Variants in RBM6 observed in about 807,000 individuals in gnomAD.
RBM6 encodes the protein RNA-binding protein 6.
A neutral mutation model predicts 140.4 loss-of-function variants in RBM6; 23 were observed. The observed-to-expected ratio is 0.16, with a 90% confidence interval of 0.12 to 0.23. RBM6 has a LOEUF of 0.23. RBM6 is among the 10% of genes least tolerant of loss of function. The probability of loss-of-function intolerance (pLI) is 1.00; values close to 1 mark genes in which losing one functional copy is unlikely to be tolerated. For missense variants in RBM6, 1,139 were observed against 1,386.7 expected, an observed-to-expected ratio of 0.82 and a Z score of 2.84; for synonymous variants, 439 against 475.6, an observed-to-expected ratio of 0.92 and a Z score of 1.00.
At chr3:49,956,611 C>A (rs1399743787) in intron 1 of RBM6, among the ~76,000 whole-genome samples, 3 of 150,338 alleles carry the variant, frequency 2.0e-5, no homozygotes, top group African/African-American at 7.3e-5. Context: ...GGATTATAGG[C>A]GTAAGCCATC....
rs138873419 is a variant in RBM6 at position 50,057,777 on chromosome 3, A to G, written c.1743A>G (p.Thr581=). 3.7e-6 allele frequency: 6 copies of G among 1,613,622 alleles called. No homozygotes were observed. Among genetic ancestry groups the G allele is most frequent in the Non-Finnish European group, 4.2e-6 (5 of 1,179,910 alleles). Residue 581 remains threonine, a synonymous_variant, in exon 9 of 21, where the codon ACA becomes ACG. Transcript: ENST00000266022. The part of the protein sequence containing the change: ...ELITYPQPQK[T]SIPAPLEKQP... Reference sequence around the variant, plus strand: ...TAACCTACCCTCAGCCTCAGAAAACATCCATACCAGCACCATTGGAAAAAC... The same window carrying G: ...TAACCTACCCTCAGCCTCAGAAAACGTCCATACCAGCACCATTGGAAAAAC...
At chr3:50,042,768 A>G (rs2089002793) in intron 6 of RBM6, among the ~76,000 whole-genome samples, 1 of 152,036 alleles carries the variant, frequency 6.6e-6, no homozygotes, top group South Asian at 2.1e-4. Flanking sequence ...AAAAAAGACT[A>G]TCCTTGATGA....
intron 20 of RBM6, among the ~76,000 whole-genome samples, chr3:50,076,782 G>T (rs2090473995): frequency 4.0e-5 from 6 of 151,876 alleles, no homozygotes; most frequent in Admixed American, 3.9e-4. Flanking sequence ...GCTACTCAGA[G>T]GCTGAGGCAC....
intron 1 of RBM6, among the ~76,000 whole-genome samples, chr3:49,949,371 CCTT>C (rs2083632433): frequency 6.6e-6 from 1 of 151,708 alleles, no homozygotes; most frequent in Non-Finnish European, 1.5e-5. Context: ...AGAGGAAAAT[CCTT>C]CAGGACAACA....
Position 50,070,500 on chromosome 3 carries a change from T to C in RBM6, c.3064T>C (p.Ser1022Pro). 1 of 1,614,072 alleles carries C rather than the reference T, an allele frequency of 6.2e-7. No homozygotes were observed. The highest frequency in any genetic ancestry group is 1.3e-5 in the African/African-American group (1 of 75,048). ...RGNDRREKLQ[S>P]FDSPERKRIK... is the part of the protein sequence containing the mutation. ...AAATGATCGCAGGGAAAAGCTCCAG[T>C]CTTTTGACTCTCCAGAAAGGAAACG... Residue 1022 changes from serine to proline, a missense_variant, in exon 19 of 21, where the codon TCT becomes CCT. By Grantham distance (74) the Ser-to-Pro change is moderately conservative (BLOSUM62 -1). Coordinates refer to ENST00000266022, the MANE Select transcript of RBM6 (RefSeq NM_005777.3).
chr3:50,007,407 G>A (rs112666031), intron 6 of RBM6, among the ~76,000 whole-genome samples: 11,957 of 151,684 alleles, frequency 0.079, 522 homozygotes, highest in African/African-American at 0.1. Flanking sequence ...GGCTGATCTC[G>A]AACTCCTGAG....
At chr3:50,007,074 G>A (rs910499613) in intron 6 of RBM6, among the ~76,000 whole-genome samples, 2 of 152,008 alleles carry the variant, frequency 1.3e-5, no homozygotes, top group Non-Finnish European at 2.9e-5. Flanking sequence ...GGCAAAAAGA[G>A]GATTTGGTGG....
chr3:50,058,072 G>A (rs1416819173), intron 9 of RBM6, 69 bp downstream of exon 9: 2 of 1,533,766 alleles, frequency 1.3e-6, no homozygotes, highest in African/African-American at 1.4e-5. Context: ...CCAATGTTAT[G>A]TCCGGGAGCT....
At chr3:50,053,326 G>A (rs1575820297) in intron 7 of RBM6, among the ~76,000 whole-genome samples, 1 of 152,156 alleles carries the variant, frequency 6.6e-6, no homozygotes, top group Non-Finnish European at 1.5e-5. Flanking sequence ...GAGGTCGGGA[G>A]TTCGAGACCA....
Position 49,940,411 on chromosome 3 carries a change from G to T in RBM6, c.-67+186G>T, listed in dbSNP as rs906155370. 12 of 153,152 alleles carry T rather than the reference G, an allele frequency of 7.8e-5. No individual in the cohort carries two copies. The South Asian group carries it at 8.2e-4, about 10-fold the overall frequency. The allele number at this position is 153,152 out of a possible 1,614,324, so 9.5% of individuals were successfully genotyped here. ...TGAGATGAGGGAGGCGCCGCCCGTG[G>T]CAGGAACGCCCCGGAACCGTCGCGG... On this transcript the variant is annotated intron_variant, in intron 1 of 20. Coordinates refer to ENST00000266022, the MANE Select transcript of RBM6 (RefSeq NM_005777.3).
chr3:49,974,589 G>A (rs528263680), intron 4 of RBM6, among the ~76,000 whole-genome samples: 206 of 150,870 alleles, frequency 1.4e-3, no homozygotes, highest in African/African-American at 4.9e-3. Context: ...AGCCAGGATG[G>A]TCTCAATCTC....
intron 6 of RBM6, among the ~76,000 whole-genome samples, chr3:50,036,852 G>C (rs1038322219): frequency 6.6e-6 from 1 of 152,058 alleles, no homozygotes; most frequent in Non-Finnish European, 1.5e-5. Flanking sequence ...CGCGATCTTG[G>C]CTCACTGCAG....
At chr3:50,054,469 G>T (rs2108899298) in intron 8 of RBM6, 74 bp downstream of exon 8, 1 of 1,289,550 alleles carries the variant, frequency 7.8e-7, no homozygotes, top group African/African-American at 1.5e-5. Flanking sequence ...CCTTGGCTTT[G>T]AAGAATTATC....
intron 1 of RBM6, among the ~76,000 whole-genome samples, chr3:49,954,446 A>T (rs1477384380): frequency 6.6e-6 from 1 of 151,892 alleles, no homozygotes; most frequent in Non-Finnish European, 1.5e-5. Flanking sequence ...TCTCAAAAAA[A>T]AAAAAAAAAA....
intron 6 of RBM6, among the ~76,000 whole-genome samples, chr3:50,024,464 A>T (rs1309543587): frequency 6.6e-6 from 1 of 151,658 alleles, no homozygotes; most frequent in Non-Finnish European, 1.5e-5. Context: ...ACTGAGTTCT[A>T]ATACCACAGA....
intron 1 of RBM6, among the ~76,000 whole-genome samples, chr3:49,948,850 G>A (rs1415187243): frequency 3.4e-5 from 4 of 117,288 alleles, no homozygotes; most frequent in Non-Finnish European, 5.5e-5. Context: ...TTTTTTTTTG[G>A]GATGGTGTCT....
chr3:50,012,636 C>G (rs999188831), intron 6 of RBM6, among the ~76,000 whole-genome samples: 6 of 151,918 alleles, frequency 3.9e-5, no homozygotes, highest in Admixed American at 2.6e-4. Context: ...AGATTACAGG[C>G]GTGAGCCACC....
At chr3:50,062,331 CT>C (rs1190185802) in intron 15 of RBM6, among the ~76,000 whole-genome samples, 6 of 151,966 alleles carry the variant, frequency 3.9e-5, no homozygotes, top group South Asian at 2.1e-4. Flanking sequence ...GGTGAAACCC[CT>C]GTCTCTACTA....
chr3:49,971,557 G>A (rs1477515892), intron 3 of RBM6, among the ~76,000 whole-genome samples: 1 of 145,342 alleles, frequency 6.9e-6, no homozygotes, highest in African/African-American at 2.5e-5. Flanking sequence ...TTTTTTTTGA[G>A]ACGGGGGTCT....
Sources: gnomAD v4.1 joint callset for allele counts (sites outside exome capture counted in the v4.1 genomes callset) on GRCh38, gnomAD v4.1.1 for gene constraint, MANE v1.5 for transcripts, NCBI Gene and HGNC (gene_info 2026-07-23, HGNC 2026-07-21) for gene names.